Variants in ZNF552 observed in about 807,000 individuals in gnomAD.
ZNF552 encodes the protein zinc finger protein 552.
ZNF552 carries 2 observed loss-of-function variants against 7.2 expected under a neutral mutation model. The observed-to-expected ratio is 0.28, with a 90% CI of 0.11 to 0.88. The LOEUF (loss-of-function observed/expected upper bound fraction) is 0.88. Ranked by LOEUF, ZNF552 falls within the 40% of genes least tolerant of loss-of-function variation. ZNF552 has a pLI of 0.60. For synonymous variants in ZNF552, 173 were observed against 176.5 expected (o/e 0.98, Z 0.16); for missense variants, 421 against 493.4 (o/e 0.85, Z 1.39).
intron 2 of ZNF552, 147 bp from the exon 3 acceptor site, chr19:57,809,250 A>G (rs1346837181): frequency 4.9e-5 from 75 of 1,536,366 alleles, no homozygotes; most frequent in Non-Finnish European, 6.3e-5. Context: ...AGATGGTGCT[A>G]TGTATTATTA....
At chr19:57,811,669 C>G (rs546373780) in intron 2 of ZNF552, among the ~76,000 whole-genome samples, 1 of 138,962 alleles carries the variant, frequency 7.2e-6, no homozygotes, top group East Asian at 2.2e-4. Flanking sequence ...TGAGCCAGAT[C>G]GCACCATTGC....
intron 2 of ZNF552, among the ~76,000 whole-genome samples, chr19:57,810,011 G>A (rs1208815721): frequency 6.6e-6 from 1 of 152,150 alleles, no homozygotes; most frequent in African/African-American, 2.4e-5. Context: ...GGAGACTGAG[G>A]CTGGAGGATC....
rs778863796 is a variant in ZNF552, at chr19:57,814,744, G to A, written c.-1C>T. 2 of 1,613,880 alleles carry A rather than the reference G, an allele frequency of 1.2e-6. No homozygotes were observed. Among genetic ancestry groups the A allele is most frequent in the Non-Finnish European group, 1.7e-6 (2 of 1,179,968 alleles). ...GGAACCTTAGCGCGGCCGCCGCCAT[G>A]GGACCACGTGGGGTAAGCTGGGTTG... is the stretch of plus-strand genomic sequence containing the variant. On this transcript the variant is annotated 5_prime_UTR_variant, in exon 1 of 3. Coordinates refer to ENST00000391701, the MANE Select transcript of ZNF552 (RefSeq NM_024762.3).
At chr19:57,814,479 C>G (rs1987918914) in intron 1 of ZNF552, 1 of 1,531,786 alleles carries the variant, frequency 6.5e-7, no homozygotes, top group South Asian at 1.2e-5. Flanking sequence ...ACCCCAGGTT[C>G]CATCCTCCCG....
At chr19:57,813,988 C>A (rs1419200672) in intron 1 of ZNF552, among the ~76,000 whole-genome samples, 2 of 152,054 alleles carry the variant, frequency 1.3e-5, no homozygotes, top group African/African-American at 4.8e-5. Flanking sequence ...CCCGCCTAGG[C>A]CTCCCAAAGT....
intron 1 of ZNF552, 50 bp downstream of exon 1, chr19:57,814,661 A>C: frequency 1.2e-6 from 2 of 1,613,904 alleles, no homozygotes; most frequent in African/African-American, 2.7e-5. Context: ...CTGCTTTAGG[A>C]CTTGTGTGAC....
chr19:57,814,072 C>T (rs895131301), intron 1 of ZNF552, among the ~76,000 whole-genome samples: 3 of 152,110 alleles, frequency 2.0e-5, no homozygotes, highest in African/African-American at 7.2e-5. Context: ...TTAAATGCTT[C>T]TACAGCCATA....
chr19:57,807,733 A>G lies in ZNF552; in HGVS notation c.*307T>C, dbSNP rs1987768888. The G allele has an allele frequency of 1.0e-5, 3 of 288,142 alleles. No homozygotes were observed. The Admixed American group carries it at 1.4e-4, about 14-fold the overall frequency. 17.8% of individuals were successfully genotyped at this position (288,142 alleles called of 1,614,324 possible). On this transcript the variant is annotated 3_prime_UTR_variant, in exon 3 of 3. Coordinates refer to ENST00000391701, the MANE Select transcript of ZNF552 (RefSeq NM_024762.3). ...CTCCCAGGCTCAAGCAAATCCTCCC[A>G]TGTAGCAATCCTCCCACATGACAGC...
At chr19:57,811,139 C>T (rs1036065820) in intron 2 of ZNF552, among the ~76,000 whole-genome samples, 7 of 151,318 alleles carry the variant, frequency 4.6e-5, no homozygotes, top group Non-Finnish European at 1.0e-4. Flanking sequence ...ATGCTGAGCG[C>T]CAGTCCCCTG....
In ZNF552 at chr19:57,808,730, A is replaced by T; in HGVS notation, c.534T>A (p.Phe178Leu). The T allele has an allele frequency of 6.2e-7, 1 of 1,614,042 alleles. No homozygotes were observed. The highest frequency in any genetic ancestry group is 8.5e-7 in the Non-Finnish European group (1 of 1,179,984). ...GCTGGAGTAATCCTGACCTGAGCAA[A>T]AAGTCTTTCCCACTCTCACTGAAGA... ...SSVFSESGKDFLLRSGLLQQE... is the reference protein window; with the variant it reads ...SSVFSESGKDLLLRSGLLQQE... Residue 178 changes from phenylalanine to leucine, a missense_variant, in exon 3 of 3, where the codon TTT (phenylalanine) becomes TTA (leucine). Phe to Leu is a conservative substitution (Grantham distance 22). Coordinates refer to ENST00000391701, the MANE Select transcript of ZNF552 (RefSeq NM_024762.3).
chr19:57,813,379 C>T lies in ZNF552; in HGVS notation c.75G>A (p.Gln25=), dbSNP rs765272689. Residue 25 remains glutamine (Q), a synonymous_variant, in exon 2 of 3, where the codon CAG becomes CAA. Coordinates refer to ENST00000391701, the MANE Select transcript of ZNF552 (RefSeq NM_024762.3). The stretch of plus-strand genomic sequence containing the variant: ...CCTCACTAAGGAGATTCCATTCCTC[C>T]TGGGTAAATTTCACAGCCACGTCTT... ...TFEDVAVKFT[Q]EEWNLLSEAQ... is the part of the protein sequence containing the mutation. The T allele has an allele frequency of 2.5e-6, 4 of 1,614,112 alleles. No individual in the cohort carries two copies. In the South Asian group the frequency reaches 4.4e-5, roughly 18 times the overall value.
chr19:57,809,718 C>T (rs191259533), intron 2 of ZNF552, among the ~76,000 whole-genome samples: 1 of 151,876 alleles, frequency 6.6e-6, no homozygotes, highest in South Asian at 2.1e-4. Flanking sequence ...GGGGAAGAGG[C>T]CAGTACCAGT....
rs1402075114 is a variant in ZNF552, at chr19:57,808,277, A to G, written c.987T>C (p.Cys329=). The change falls in exon 3 of 3, where the codon TGT becomes TGC. Residue 329 remains cysteine, a synonymous_variant. Coordinates refer to ENST00000391701, the MANE Select transcript of ZNF552 (RefSeq NM_024762.3). The stretch of plus-strand genomic sequence containing the variant: ...TAGAGCTGTGGGTAAATGACTTCCC[A>G]CAATCACTGCATTCATATGGCCTTT... ...TGERPYECSD[C]GKSFTHSSTF... is the part of the protein sequence containing the mutation. 1.2e-6 allele frequency: 2 copies of G among 1,614,046 alleles called. No individual in the cohort carries two copies. The highest frequency in any genetic ancestry group is 1.7e-6 in the Non-Finnish European group (2 of 1,180,034).
rs78261400 is a variant in ZNF552, at chr19:57,810,710, C to A, written c.161-1607G>T. Among the ~76,000 whole-genome samples the A allele has an allele frequency of 7.2e-3, 1,094 of 152,208 alleles. 12 individuals are homozygous for A. Among genetic ancestry groups the A allele is most frequent in the African/African-American group, 0.025 (1,031 of 41,514 alleles). On this transcript the variant is annotated intron_variant, in intron 2 of 2. Transcript: ENST00000391701. ...GGAAGGGAAAGACCTGACAGCCCGA[C>A]GCCAGTAAAGGGGCTGTGCTGAGGA...
intron 1 of ZNF552, chr19:57,814,315 A>G: frequency 1.6e-6 from 1 of 613,874 alleles, no homozygotes; most frequent in Non-Finnish European, 2.9e-6. Flanking sequence ...TTTGGCCTTT[A>G]GGAAACTTTA....
At position 57,809,104 on chromosome 19, in the gene ZNF552, C is replaced by T. The variant is rs780188554; in HGVS notation, c.161-1G>A. The T allele has an allele frequency of 7.1e-6, 11 of 1,542,060 alleles. 1 individual carries two copies. In the South Asian group the frequency reaches 1.4e-4, roughly 19 times the overall value. Reference sequence around the variant, plus strand: ...TCATCTTCCACTCCACACCAACAACCTGAAAGCAAGAAAATGCTGGTGAAG... The same window carrying T: ...TCATCTTCCACTCCACACCAACAACTTGAAAGCAAGAAAATGCTGGTGAAG... On this transcript the variant is annotated splice_acceptor_variant, in intron 2 of 2. Coordinates refer to ENST00000391701, the MANE Select transcript of ZNF552 (RefSeq NM_024762.3). LOFTEE classifies it high-confidence loss of function.
chr19:57,810,324 A>C (rs1987829820), intron 2 of ZNF552, among the ~76,000 whole-genome samples: 1 of 152,116 alleles, frequency 6.6e-6, no homozygotes, highest in South Asian at 2.1e-4. Flanking sequence ...ACAAAATATT[A>C]GCCTTTGGGG....
rs180811694 is a variant in ZNF552 at position 57,811,755 on chromosome 19, G to A, written c.160+1539C>T. ...AAAAAAAAACAATGGAGAAGGCCAGGTGCAGTGGATCATGCCTGTAATCCC... is the reference window on the plus strand; with the variant it reads ...AAAAAAAAACAATGGAGAAGGCCAGATGCAGTGGATCATGCCTGTAATCCC... On this transcript the variant is annotated intron_variant, in intron 2 of 2. Transcript: ENST00000391701. 3.1e-3 allele frequency among the ~76,000 whole-genome samples: 460 copies of A among 149,552 alleles called. 3 individuals carry two copies. Among genetic ancestry groups the A allele is most frequent in the African/African-American group, 0.011 (448 of 40,634 alleles).
chr19:57,808,382 C>T lies in ZNF552; in HGVS notation c.882G>A (p.Lys294=), dbSNP rs1479076653. The part of the protein sequence containing the change: ...LVHQRIHTGE[K]PYECEVCQKF... ...TCTGACAAACCTCACACTCATATGG[C>T]TTCTCTCCAGTGTGAATTCTCTGGT... Residue 294 remains lysine (K), a synonymous_variant, in exon 3 of 3, where the codon AAG becomes AAA. Coordinates refer to ENST00000391701, the MANE Select transcript of ZNF552 (RefSeq NM_024762.3). 3.1e-6 allele frequency: 5 copies of T among 1,613,248 alleles called. No individual in the cohort carries two copies. Among genetic ancestry groups the T allele is most frequent in the Non-Finnish European group, 4.2e-6 (5 of 1,179,564 alleles).
Sources: allele counts gnomAD v4.1 joint callset (sites outside exome capture counted in the v4.1 genomes callset), GRCh38; gene constraint gnomAD v4.1.1; transcripts MANE v1.5; gene names NCBI Gene and HGNC (gene_info 2026-07-23, HGNC 2026-07-21).